NAALADL2: variants seen among roughly 807,000 people sequenced by gnomAD.
NAALADL2 encodes the protein inactive N-acetylated-alpha-linked acidic dipeptidase-like protein 2.
NAALADL2 carries 76 observed loss-of-function variants against 87.2 expected under a neutral mutation model. The ratio of observed to expected loss-of-function variants is 0.87; its 90% CI spans 0.72 to 1.05. NAALADL2 has a LOEUF of 1.05. NAALADL2 is among the 50% of genes least tolerant of loss of function. The probability of loss-of-function intolerance (pLI) is 0.00; values close to 1 mark genes in which losing one functional copy is unlikely to be tolerated. For synonymous variants in NAALADL2, 354 were observed against 331.0 expected (o/e 1.07, Z -0.75); for missense variants, 1,089 against 945.8 (o/e 1.15, Z -1.99).
intron 3 of NAALADL2, among the ~76,000 whole-genome samples, chr3:174,787,575 T>TCATATATATATATATATATATACA (rs1560225275): frequency 7.7e-5 from 1 of 13,062 alleles, no homozygotes; most frequent in Non-Finnish European, 1.5e-4. Context: ...CAATATATCA[T>TCATATATATATATATATATATACA]CATATATATA....
At chr3:175,731,071 G>A (rs532332897) in intron 11 of NAALADL2, among the ~76,000 whole-genome samples, 66 of 152,296 alleles carry the variant, frequency 4.3e-4, no homozygotes, top group Non-Finnish European at 7.8e-4. Context: ...AAGAAGTAAA[G>A]AATTTAGAGT....
At chr3:175,277,214 T>C (rs1349036765) in intron 4 of NAALADL2, among the ~76,000 whole-genome samples, 1 of 152,180 alleles carries the variant, frequency 6.6e-6, no homozygotes, top group Admixed American at 6.5e-5. Flanking sequence ...TATGTTATGA[T>C]ACTAGAAAAA....
chr3:175,232,312 T>C (rs569829953), intron 2 of NAALADL2, among the ~76,000 whole-genome samples: 8 of 152,240 alleles, frequency 5.3e-5, no homozygotes, highest in African/African-American at 1.7e-4. Context: ...TTCACAAAGA[T>C]AGGAGATAAC....
intron 3 of NAALADL2, among the ~76,000 whole-genome samples, chr3:174,815,844 T>G (rs1219538375): frequency 5.4e-5 from 8 of 149,336 alleles, no homozygotes; most frequent in Non-Finnish European, 1.2e-4. Flanking sequence ...TTTTTTTTTT[T>G]TTTTTTTTTT....
chr3:175,123,312 C>G (rs549329234), intron 2 of NAALADL2, among the ~76,000 whole-genome samples: 2 of 151,984 alleles, frequency 1.3e-5, no homozygotes, highest in South Asian at 4.1e-4. Context: ...TAATGCAGTT[C>G]AGGACATGTA....
At chr3:174,701,930 T>C (rs982135882) in intron 2 of NAALADL2, among the ~76,000 whole-genome samples, 2 of 152,228 alleles carry the variant, frequency 1.3e-5, no homozygotes, top group Non-Finnish European at 2.9e-5. Context: ...TAGACATGTA[T>C]GTTTATTTCT....
intron 2 of NAALADL2, 31 bp from the exon 3 acceptor site, chr3:175,233,900 T>A: frequency 7.5e-7 from 1 of 1,340,786 alleles, no homozygotes; most frequent in Non-Finnish European, 1.0e-6. Context: ...TTCTCCTTTT[T>A]AAAAAAGTTT....
intron 2 of NAALADL2, among the ~76,000 whole-genome samples, chr3:174,577,095 G>A (rs1426423468): frequency 6.6e-6 from 1 of 151,926 alleles, no homozygotes; most frequent in African/African-American, 2.4e-5. Context: ...ACTTATATTA[G>A]CCCATGATTC....
At chr3:175,451,273 A>G (rs982902143) in intron 6 of NAALADL2, among the ~76,000 whole-genome samples, 2 of 152,140 alleles carry the variant, frequency 1.3e-5, no homozygotes, top group Non-Finnish European at 2.9e-5. Flanking sequence ...TTCATGCATG[A>G]GATAGGCTCA....
chr3:175,605,975 T>C (rs1352771368), intron 10 of NAALADL2, among the ~76,000 whole-genome samples: 1 of 152,032 alleles, frequency 6.6e-6, no homozygotes. Flanking sequence ...ACAAGACTGG[T>C]GAGGAAGAGA....
intron 3 of NAALADL2, among the ~76,000 whole-genome samples, chr3:174,842,300 C>T (rs148311051): frequency 6.6e-6 from 1 of 152,104 alleles, no homozygotes; most frequent in Non-Finnish European, 1.5e-5. Flanking sequence ...ATCCACTCAC[C>T]TCGGCCTCCC....
chr3:174,515,685 T>C (rs1345256172), intron 1 of NAALADL2, among the ~76,000 whole-genome samples: 4 of 145,976 alleles, frequency 2.7e-5, no homozygotes, highest in Non-Finnish European at 6.0e-5. Flanking sequence ...GAACTGACAA[T>C]TGGAAAAAAA....
intron 2 of NAALADL2, among the ~76,000 whole-genome samples, chr3:174,674,685 T>C (rs1251760222): frequency 6.6e-6 from 1 of 152,082 alleles, no homozygotes; most frequent in African/African-American, 2.4e-5. Context: ...TTGAAGTTGA[T>C]GAGGAAACAG....
chr3:174,469,041 G>T (rs1012795954), intron 1 of NAALADL2, among the ~76,000 whole-genome samples: 2 of 152,210 alleles, frequency 1.3e-5, no homozygotes, highest in Non-Finnish European at 2.9e-5. Context: ...GGGATTACAG[G>T]CGTGAGCCAC....
chr3:175,322,139 G>T (rs1438186253), intron 4 of NAALADL2, among the ~76,000 whole-genome samples: 1 of 150,774 alleles, frequency 6.6e-6, no homozygotes, highest in Admixed American at 6.6e-5. Flanking sequence ...CCAAAACAGA[G>T]ATACAGATCA....
intron 2 of NAALADL2, among the ~76,000 whole-genome samples, chr3:174,677,270 T>G (rs1727122252): frequency 1.3e-5 from 2 of 152,016 alleles, no homozygotes; most frequent in African/African-American, 4.8e-5. Flanking sequence ...CTTTTGGACT[T>G]TAACATCATA....
intron 1 of NAALADL2, among the ~76,000 whole-genome samples, chr3:175,070,385 T>C (rs1715407043): frequency 6.6e-6 from 1 of 152,012 alleles, no homozygotes; most frequent in Non-Finnish European, 1.5e-5. Flanking sequence ...TTGCATATAA[T>C]GAGAATCTCC....
chr3:174,926,041 C>T (rs191031495), intron 1 of NAALADL2, among the ~76,000 whole-genome samples: 20 of 152,078 alleles, frequency 1.3e-4, no homozygotes, highest in Non-Finnish European at 2.2e-4. Flanking sequence ...AACCATGGCA[C>T]GAGAACTATG....
At chr3:174,633,394 G>T (rs9879451) in intron 2 of NAALADL2, among the ~76,000 whole-genome samples, 6,764 of 152,198 alleles carry the variant, frequency 0.044, 534 homozygotes, top group African/African-American at 0.15. Context: ...ATTACTGGGA[G>T]AAAGCTAAAA....
Sources: allele counts gnomAD v4.1 joint callset (sites outside exome capture counted in the v4.1 genomes callset), GRCh38; gene constraint gnomAD v4.1.1; transcripts MANE v1.5; gene names NCBI Gene and HGNC (gene_info 2026-07-23, HGNC 2026-07-21).